RNF181: variants seen among roughly 807,000 people sequenced by gnomAD.
RNF181 encodes the protein E3 ubiquitin-protein ligase RNF181.
A neutral mutation model predicts 23.3 loss-of-function variants in RNF181; 25 were observed. The observed-to-expected ratio is 1.07, with a 90% CI of 0.78 to 1.50. The LOEUF (loss-of-function observed/expected upper bound fraction) is 1.50, where lower values mean the gene tolerates loss of function less well. RNF181 is among the 40% of genes most tolerant of loss of function. The probability of loss-of-function intolerance (pLI) is 0.00; values close to 1 mark genes in which losing one functional copy is unlikely to be tolerated. For synonymous variants in RNF181, 62 were observed against 70.9 expected, an observed-to-expected ratio of 0.87 and a Z score of 0.63; for missense variants, 167 against 191.1, an observed-to-expected ratio of 0.87 and a Z score of 0.74.
rs1487054795 is a variant in RNF181, at chr2:85,596,911, A to C, written c.307A>C (p.Ile103Leu). Reference sequence around the variant, plus strand: ...CCATCACCTTTTCCATTCCAGCTGCATTCTGCCCTGGCTAAGCAAGGTACT... The same window carrying C: ...CCATCACCTTTTCCATTCCAGCTGCCTTCTGCCCTGGCTAAGCAAGGTACT... ...PCHHLFHSSC[I>L]LPWLSKTNSC... The change falls in exon 3 of 5, where the codon ATT (isoleucine) becomes CTT (leucine). Residue 103 changes from isoleucine (I) to leucine (L), a missense_variant. Ile to Leu is a conservative substitution (Grantham distance 5, BLOSUM62 2). Coordinates refer to ENST00000306368, the MANE Select transcript of RNF181 (RefSeq NM_016494.4). 1.9e-6 allele frequency: 3 copies of C among 1,614,168 alleles called. No individual in the cohort carries two copies. The highest frequency in any genetic ancestry group is 2.5e-6 in the Non-Finnish European group (3 of 1,180,030).
At chr2:85,596,465 G>C in intron 1 of RNF181, 54 bp from the exon 2 acceptor site, 1 of 1,535,700 alleles carries the variant, frequency 6.5e-7, no homozygotes, top group Non-Finnish European at 8.8e-7. Flanking sequence ...GGATTATGGG[G>C]ACAAAGAAAA....
At position 85,597,611 on chromosome 2, in the gene RNF181, C is replaced by G; in HGVS notation, c.*107C>G. 6.6e-7 allele frequency: 1 copy of G among 1,523,068 alleles called. No individual in the cohort carries two copies. The highest frequency in any genetic ancestry group is 8.8e-7 in the Non-Finnish European group (1 of 1,137,900). 94.3% of individuals were successfully genotyped at this position (1,523,068 alleles called of 1,614,324 possible). A position where few individuals can be genotyped will look rare whatever the true frequency, so the allele number is the denominator to read the frequency against. ...AGGCTGTATTGATCACAGACCTGGCCAGGGGCTCTGCATCCTCCATCAGGT... is the reference window on the plus strand; with the variant it reads ...AGGCTGTATTGATCACAGACCTGGCGAGGGGCTCTGCATCCTCCATCAGGT... On this transcript the variant is annotated 3_prime_UTR_variant, in exon 5 of 5. Transcript: ENST00000306368.
chr2:85,597,352 C>T (rs1230041990), intron 4 of RNF181, 93 bp from the exon 5 acceptor site: 3 of 1,493,568 alleles, frequency 2.0e-6, no homozygotes, highest in Non-Finnish European at 2.7e-6. Flanking sequence ...CGCCAGAGGC[C>T]TGAAAACAGA....
Position 85,597,585 on chromosome 2 carries a change from G to T in RNF181, c.*81G>T. 6.3e-7 allele frequency: 1 copy of T among 1,587,900 alleles called. No individual in the cohort carries two copies. The highest frequency in any genetic ancestry group is 8.6e-7 in the Non-Finnish European group (1 of 1,168,660). ...CATTAAAGGTTTCTTTACCCACCCT[G>T]AGGCTGTATTGATCACAGACCTGGC... is the stretch of plus-strand genomic sequence containing the variant. On this transcript the variant is annotated 3_prime_UTR_variant, in exon 5 of 5. Coordinates refer to ENST00000306368, the MANE Select transcript of RNF181 (RefSeq NM_016494.4).
rs139301266 is a variant in RNF181 at position 85,597,168 on chromosome 2, G to A, written c.392G>A (p.Arg131Lys). 263 of 1,613,094 alleles carry A rather than the reference G, an allele frequency of 1.6e-4. No individual in the cohort carries two copies. Among genetic ancestry groups the A allele is most frequent in the Non-Finnish European group, 3.8e-5 (45 of 1,179,348 alleles). ...PTDDDTYEEH[R>K]RDKARKQQQQ... ...GATGACGACACTTATGAGGAGCACAGACGAGATAAGGTAGGGGCTGATGCT... is the reference window on the plus strand; with the variant it reads ...GATGACGACACTTATGAGGAGCACAAACGAGATAAGGTAGGGGCTGATGCT... The change falls in exon 4 of 5, where the codon AGA (arginine) becomes AAA (lysine). Residue 131 changes from arginine to lysine, a missense_variant. Coordinates refer to ENST00000306368, the MANE Select transcript of RNF181 (RefSeq NM_016494.4).
chr2:85,596,922 G>C lies in RNF181; in HGVS notation c.318G>C (p.Trp106Cys). ...TCCATTCCAGCTGCATTCTGCCCTGGCTAAGCAAGGTACTGCTTCTCTTCT... is the reference window on the plus strand; with the variant it reads ...TCCATTCCAGCTGCATTCTGCCCTGCCTAAGCAAGGTACTGCTTCTCTTCT... ...HLFHSSCILP[W>C]LSKTNSCPLC... The change falls in exon 3 of 5, where the codon TGG becomes TGC. Residue 106 changes from tryptophan to cysteine, a missense_variant. Trp to Cys is a radical substitution (Grantham distance 215). Coordinates refer to ENST00000306368, the MANE Select transcript of RNF181 (RefSeq NM_016494.4). The C allele has an allele frequency of 6.2e-7, 1 of 1,614,186 alleles. No individual in the cohort carries two copies. The highest frequency in any genetic ancestry group is 8.5e-7 in the Non-Finnish European group (1 of 1,180,036).
Position 85,597,430 on chromosome 2 carries a change from C to A in RNF181, c.403-15C>A, listed in dbSNP as rs193186735. 3.7e-6 allele frequency: 6 copies of A among 1,601,854 alleles called. No homozygotes were observed. Among genetic ancestry groups the A allele is most frequent in the East Asian group, 2.2e-5 (1 of 44,864 alleles). The stretch of plus-strand genomic sequence containing the variant: ...TCAGTTTTGGCCCCTGCCCAGCATG[C>A]CTTCTTTCCTTCAGGCTCGAAAACA... On this transcript the variant is annotated splice_polypyrimidine_tract_variant and intron_variant, in intron 4 of 4. Transcript: ENST00000306368.
Position 85,597,509 on chromosome 2 carries a change from G to A in RNF181, c.*5G>A, listed in dbSNP as rs779261962. 1 of 1,613,702 alleles carries A rather than the reference G, an allele frequency of 6.2e-7. No individual in the cohort carries two copies. The highest frequency in any genetic ancestry group is 1.3e-5 in the African/African-American group (1 of 75,020). ...CATGGAGCCATGTACACGTGAGGAG[G>A]TTGGGGCTGAGTGCTGGCCCTCTGC... On this transcript the variant is annotated 3_prime_UTR_variant, in exon 5 of 5. Transcript: ENST00000306368.
chr2:85,597,072 C>T (rs1473610025), intron 3 of RNF181, 32 bp from the exon 4 acceptor site: 2 of 1,614,004 alleles, frequency 1.2e-6, no homozygotes. Flanking sequence ...GAAGATCAGA[C>T]CAAGGCTAGA....
Position 85,595,784 on chromosome 2 carries a change from A to T in RNF181, c.21A>T (p.Glu7Asp). The change falls in exon 1 of 5, where the codon GAA (glutamate) becomes GAT (aspartate). Residue 7 changes from glutamate (E) to aspartate (D), a missense_variant. Transcript: ENST00000306368. ...CAGCCATGGCGTCCTATTTCGATGA[A>T]CACGACTGCGAGCCGTCGGACCCTG... MASYFD[E>D]HDCEPSDPEQ... 1 of 1,613,956 alleles carries T rather than the reference A, an allele frequency of 6.2e-7. No homozygotes were observed. Among genetic ancestry groups the T allele is most frequent in the South Asian group, 1.1e-5 (1 of 91,076 alleles).
rs767555132 is a variant in RNF181, at chr2:85,597,417, C to T, written c.403-28C>T. 16 of 1,593,044 alleles carry T rather than the reference C, an allele frequency of 1.0e-5. No homozygotes were observed. In the Admixed American group the frequency reaches 1.6e-4, roughly 16 times the overall value. The stretch of plus-strand genomic sequence containing the variant: ...CACCCATAGGCCTTCAGTTTTGGCC[C>T]CTGCCCAGCATGCCTTCTTTCCTTC... On this transcript the variant is annotated intron_variant, in intron 4 of 4. Coordinates refer to ENST00000306368, the MANE Select transcript of RNF181 (RefSeq NM_016494.4).
chr2:85,597,612 A>G lies in RNF181; in HGVS notation c.*108A>G. On this transcript the variant is annotated 3_prime_UTR_variant, in exon 5 of 5. Transcript: ENST00000306368. ...GGCTGTATTGATCACAGACCTGGCC[A>G]GGGGCTCTGCATCCTCCATCAGGTC... The G allele has an allele frequency of 6.6e-7, 1 of 1,520,950 alleles. No individual in the cohort carries two copies. Among genetic ancestry groups the G allele is most frequent in the Non-Finnish European group, 8.8e-7 (1 of 1,136,930 alleles). 94.2% of individuals were successfully genotyped at this position (1,520,950 alleles called of 1,614,324 possible).
intron 4 of RNF181, 24 bp from the exon 5 acceptor site, chr2:85,597,421 C>T: frequency 6.3e-7 from 1 of 1,595,646 alleles, no homozygotes; most frequent in African/African-American, 1.3e-5. Context: ...TTGGCCCCTG[C>T]CCAGCATGCC....
chr2:85,596,298 C>G (rs1295941629), intron 1 of RNF181, among the ~76,000 whole-genome samples: 2 of 152,024 alleles, frequency 1.3e-5, no homozygotes, highest in Admixed American at 6.6e-5. Flanking sequence ...TCTGTTGCCT[C>G]ATGTGTAAAA....
At position 85,597,572 on chromosome 2, in the gene RNF181, C is replaced by A; in HGVS notation, c.*68C>A. The A allele has an allele frequency of 6.2e-7, 1 of 1,602,762 alleles. No homozygotes were observed. Among genetic ancestry groups the A allele is most frequent in the Non-Finnish European group, 8.5e-7 (1 of 1,174,980 alleles). On this transcript the variant is annotated 3_prime_UTR_variant, in exon 5 of 5. Coordinates refer to ENST00000306368, the MANE Select transcript of RNF181 (RefSeq NM_016494.4). Reference sequence around the variant, plus strand: ...AACCTTGAATCCTCATTAAAGGTTTCTTTACCCACCCTGAGGCTGTATTGA... The same window carrying A: ...AACCTTGAATCCTCATTAAAGGTTTATTTACCCACCCTGAGGCTGTATTGA...
In RNF181 at chr2:85,596,592, G is replaced by T; in HGVS notation, c.160G>T (p.Ala54Ser). The T allele has an allele frequency of 6.2e-7, 1 of 1,614,098 alleles. No homozygotes were observed. The highest frequency in any genetic ancestry group is 8.5e-7 in the Non-Finnish European group (1 of 1,179,972). ...VDWDHHLPPP[A>S]AKTVVENLPR... ...TTGGGACCACCACCTGCCTCCACCAGCTGCCAAGACTGTGGTTGAGAACCT... is the reference window on the plus strand; with the variant it reads ...TTGGGACCACCACCTGCCTCCACCATCTGCCAAGACTGTGGTTGAGAACCT... Residue 54 changes from alanine (A) to serine (S), a missense_variant, in exon 2 of 5, where the codon GCT (alanine) becomes TCT (serine). Ala to Ser is a moderately conservative substitution (Grantham distance 99). Coordinates refer to ENST00000306368, the MANE Select transcript of RNF181 (RefSeq NM_016494.4).
Position 85,597,679 on chromosome 2 carries a change from A to AT in RNF181, c.*175_*176insT. 7.7e-7 allele frequency: 1 copy of AT among 1,293,560 alleles called. No individual in the cohort carries two copies. Among genetic ancestry groups the AT allele is most frequent in the Non-Finnish European group, 1.0e-6 (1 of 979,426 alleles). The allele number at this position is 1,293,560 out of a possible 1,614,324, so 80.1% of individuals were successfully genotyped here. A position where few individuals can be genotyped will look rare whatever the true frequency, so the allele number is the denominator to read the frequency against. On this transcript the variant is annotated 3_prime_UTR_variant, in exon 5 of 5. Coordinates refer to ENST00000306368, the MANE Select transcript of RNF181 (RefSeq NM_016494.4). ...AAGGTGATCCTAAATCGCAGAAGGCACCAGGCTGCGGTTTTCCTCCCTGCT... is the reference window on the plus strand; with the variant it reads ...AAGGTGATCCTAAATCGCAGAAGGCATCCAGGCTGCGGTTTTCCTCCCTGCT...
At position 85,596,627 on chromosome 2, in the gene RNF181, A is replaced by G. The variant is rs928810322; in HGVS notation, c.195A>G (p.Thr65=). ...CTGTGGTTGAGAACCTCCCCAGGAC[A>G]GTCATCAGAGGCTCTCAGGCTGGTG... ...AKTVVENLPR[T]VIRGSQAELK... Residue 65 remains threonine, a synonymous_variant, in exon 2 of 5, where the codon ACA becomes ACG. Transcript: ENST00000306368. 3.7e-6 allele frequency: 6 copies of G among 1,613,684 alleles called. No homozygotes were observed. In the South Asian group the frequency reaches 6.6e-5, roughly 18 times the overall value.
chr2:85,596,477 G>T, intron 1 of RNF181, 42 bp from the exon 2 acceptor site: 1 of 1,547,676 alleles, frequency 6.5e-7, no homozygotes, highest in Non-Finnish European at 8.7e-7. Flanking sequence ...CAAAGAAAAA[G>T]CATAGTTTTC....
Sources: allele counts gnomAD v4.1 joint callset (sites outside exome capture counted in the v4.1 genomes callset), GRCh38; gene constraint gnomAD v4.1.1; transcripts MANE v1.5; gene names NCBI Gene and HGNC (gene_info 2026-07-23, HGNC 2026-07-21).